The following SPON1 variants were observed in gnomAD, a reference collection of about 807,000 sequenced individuals.
SPON1 encodes the protein spondin-1.
SPON1 carries 52 observed loss-of-function variants against 111.7 expected under a neutral mutation model. The ratio of observed to expected loss-of-function variants is 0.47; its 90% CI spans 0.37 to 0.59. The LOEUF is 0.59. Ranked by LOEUF, SPON1 falls within the 20% of genes least tolerant of loss-of-function variation. The probability of loss-of-function intolerance (pLI) is 0.00; values close to 1 mark genes in which losing one functional copy is unlikely to be tolerated. For missense variants in SPON1, 957 were observed against 1,068.5 expected (o/e 0.90, Z 1.46); for synonymous variants, 410 against 395.8 (o/e 1.04, Z -0.43).
At chr11:14,199,235 G>C (rs1328072757) in intron 6 of SPON1, among the ~76,000 whole-genome samples, 2 of 152,096 alleles carry the variant, frequency 1.3e-5, no homozygotes, top group Admixed American at 1.3e-4. Flanking sequence ...AAGGGCACTA[G>C]CTTTCAATGT....
chr11:14,192,388 A>G (rs1848355683), intron 6 of SPON1, among the ~76,000 whole-genome samples: 1 of 152,200 alleles, frequency 6.6e-6, no homozygotes, highest in Non-Finnish European at 1.5e-5. Context: ...TATTTGTTGA[A>G]TAAATGAATA....
At position 14,146,430 on chromosome 11, in the gene SPON1, G is replaced by C. The variant is rs939785183; in HGVS notation, c.825+10862G>C. ...CTCCCAAAGTTCTGGGATTACAGGC[G>C]TGAGCCACCACACCTGGCCTACTGT... On this transcript the variant is annotated intron_variant, in intron 6 of 15. Transcript: ENST00000576479. 2.0e-5 allele frequency among the ~76,000 whole-genome samples: 3 copies of C among 152,154 alleles called. No homozygotes were observed. The East Asian group carries it at 5.8e-4, about 29-fold the overall frequency.
At chr11:13,988,541 C>G (rs1848203131) in intron 2 of SPON1, among the ~76,000 whole-genome samples, 1 of 152,142 alleles carries the variant, frequency 6.6e-6, no homozygotes, top group African/African-American at 2.4e-5. Context: ...CCCTTTATTT[C>G]TTTCTCTTGT....
At chr11:13,976,755 C>T (rs1377148696) in intron 1 of SPON1, among the ~76,000 whole-genome samples, 1 of 152,148 alleles carries the variant, frequency 6.6e-6, no homozygotes, top group Non-Finnish European at 1.5e-5. Flanking sequence ...TGAATTATCA[C>T]ATGTTGAATA....
intron 14 of SPON1, among the ~76,000 whole-genome samples, chr11:14,261,858 T>A (rs1223568508): frequency 6.6e-6 from 1 of 151,614 alleles, no homozygotes; most frequent in Non-Finnish European, 1.5e-5. Flanking sequence ...AAAAAAAAAA[T>A]ACCATGATCC....
intron 2 of SPON1, among the ~76,000 whole-genome samples, chr11:13,994,536 T>C (rs1251720175): frequency 2.0e-5 from 3 of 151,952 alleles, no homozygotes; most frequent in Admixed American, 6.6e-5. Flanking sequence ...AACAGACATA[T>C]GAGATCAGGA....
At chr11:14,117,921 T>C (rs1849278179) in intron 5 of SPON1, among the ~76,000 whole-genome samples, 1 of 152,160 alleles carries the variant, frequency 6.6e-6, no homozygotes, top group African/African-American at 2.4e-5. Flanking sequence ...AAAAAGAAGT[T>C]AGACAATGCA....
At chr11:14,001,922 G>A (rs1848321897) in intron 2 of SPON1, among the ~76,000 whole-genome samples, 1 of 152,168 alleles carries the variant, frequency 6.6e-6, no homozygotes, top group South Asian at 2.1e-4. Context: ...TTCATACTAA[G>A]TGATCAATAA....
intron 6 of SPON1, among the ~76,000 whole-genome samples, chr11:14,240,938 A>C (rs1848919174): frequency 6.6e-6 from 1 of 152,222 alleles, no homozygotes; most frequent in Non-Finnish European, 1.5e-5. Context: ...TATATAGTAT[A>C]TAGTGTACAT....
intron 6 of SPON1, among the ~76,000 whole-genome samples, chr11:14,223,975 G>A (rs1554937863): frequency 1.3e-5 from 2 of 152,168 alleles, no homozygotes; most frequent in African/African-American, 4.8e-5. Context: ...ATTCTTTCTG[G>A]CTTTCATTTT....
intron 14 of SPON1, chr11:14,262,452 A>G: frequency 1.9e-6 from 1 of 537,808 alleles, no homozygotes; most frequent in Non-Finnish European, 3.3e-6. Context: ...ACATCCTGAA[A>G]GTCCTCCAAA....
Position 14,262,960 on chromosome 11 carries a change from G to A in SPON1, c.2245G>A (p.Gly749Arg). ...RSEQLKEESE[G>R]EQFPGCRMRP... ...TGAGCAGCTGAAGGAAGAGTCTGAA[G>A]GGGAGCAGTTCCCAGGTATGGCTCC... Residue 749 changes from glycine (G) to arginine (R), a missense_variant, in exon 15 of 16, where the codon GGG (glycine) becomes AGG (arginine). By Grantham distance (125) the Gly-to-Arg change is moderately radical. Transcript: ENST00000576479. The A allele has an allele frequency of 6.2e-7, 1 of 1,613,180 alleles. No individual in the cohort carries two copies. The highest frequency in any genetic ancestry group is 8.5e-7 in the Non-Finnish European group (1 of 1,179,766).
rs1311747675 is a variant in SPON1, at chr11:14,228,543, T to C, written c.826-14789T>C. The stretch of plus-strand genomic sequence containing the variant: ...TGGGCTGGGTGGCTCTTCAGAGTTG[T>C]CCTGCCTTGGGGACAAGAGCACTGA... On this transcript the variant is annotated intron_variant, in intron 6 of 15. Coordinates refer to ENST00000576479, the MANE Select transcript of SPON1 (RefSeq NM_006108.4). The surrounding 1 kb of genome is among the most constrained non-coding windows in gnomAD (Gnocchi z 4.2). 6.6e-6 allele frequency among the ~76,000 whole-genome samples: 1 copy of C among 152,188 alleles called. No homozygotes were observed. The highest frequency in any genetic ancestry group is 1.9e-4 in the East Asian group (1 of 5,200).
chr11:14,037,064 G>A (rs76437029), intron 2 of SPON1, among the ~76,000 whole-genome samples: 1,692 of 152,162 alleles, frequency 0.011, 31 homozygotes, highest in African/African-American at 0.039. Flanking sequence ...AGAGAAGACC[G>A]TAACTGGAGG....
intron 1 of SPON1, among the ~76,000 whole-genome samples, chr11:13,977,936 T>G (rs1436555180): frequency 2.6e-5 from 4 of 152,196 alleles, no homozygotes; most frequent in African/African-American, 9.6e-5. Context: ...TTATCTTTTC[T>G]CCATTGCTCT....
At chr11:14,247,962 G>T (rs1039257648) in intron 7 of SPON1, among the ~76,000 whole-genome samples, 1 of 152,210 alleles carries the variant, frequency 6.6e-6, no homozygotes, top group South Asian at 2.1e-4. Flanking sequence ...GGAATCAAGG[G>T]CTTAGGACTG....
At chr11:14,035,589 A>G (rs1328022987) in intron 2 of SPON1, among the ~76,000 whole-genome samples, 4 of 151,666 alleles carry the variant, frequency 2.6e-5, no homozygotes, top group Admixed American at 2.6e-4. Context: ...TCACAACAAA[A>G]GGGAGGAGGC....
At chr11:14,183,932 A>G (rs1199979683) in intron 6 of SPON1, among the ~76,000 whole-genome samples, 1 of 152,204 alleles carries the variant, frequency 6.6e-6, no homozygotes, top group Non-Finnish European at 1.5e-5. Flanking sequence ...TATCAAATAT[A>G]GTAATAAACG....
intron 3 of SPON1, among the ~76,000 whole-genome samples, chr11:14,052,922 A>T (rs1848718467): frequency 6.6e-6 from 1 of 152,200 alleles, no homozygotes; most frequent in Admixed American, 6.5e-5. Flanking sequence ...GCACTGCCAG[A>T]TTGCACCAAC....
Sources: allele counts gnomAD v4.1 joint callset (sites outside exome capture counted in the v4.1 genomes callset), GRCh38; gene constraint gnomAD v4.1.1; non-coding constraint Gnocchi (gnomAD v3.1); transcripts MANE v1.5; gene names NCBI Gene and HGNC (gene_info 2026-07-23, HGNC 2026-07-21).